CTTN: variants seen among roughly 807,000 people sequenced by gnomAD.
The protein encoded by CTTN is cortactin.
CTTN carries 28 observed loss-of-function variants against 84.0 expected under a neutral mutation model. The observed-to-expected ratio is 0.33, with a 90% CI of 0.25 to 0.46. CTTN has a LOEUF of 0.46. CTTN is among the 20% of genes least tolerant of loss of function. CTTN has a pLI of 1.00. For synonymous variants in CTTN, 301 were observed against 288.8 expected (o/e 1.04, Z -0.43); for missense variants, 641 against 723.8 (o/e 0.89, Z 1.31).
intron 1 of CTTN, among the ~76,000 whole-genome samples, 163 bp downstream of exon 1, chr11:70,398,777 G>T (rs1455364794): frequency 6.6e-6 from 1 of 151,812 alleles, no homozygotes; most frequent in Non-Finnish European, 1.5e-5. Context: ...AGGCTTTCCC[G>T]GCCTGGGGCG....
Position 70,434,708 on chromosome 11 carries a change from C to T in CTTN, c.1517-318C>T, listed in dbSNP as rs188300881. On this transcript the variant is annotated intron_variant, in intron 17 of 17. Transcript: ENST00000301843. ...CATCTCCCCACCCCCTCCACAGACA[C>T]GTCTGCCAGAGAGAGGGGAAGGGAG... Among the ~76,000 whole-genome samples the T allele has an allele frequency of 3.5e-3, 536 of 152,348 alleles. 8 individuals are homozygous for T. The highest frequency in any genetic ancestry group is 0.012 in the African/African-American group (514 of 41,574).
Position 70,436,556 on chromosome 11 carries a change from A to T in CTTN, c.*1394A>T. ...GATTTTTTTAAATTAAAGAATTCAG[A>T]ATAAACATTTTTTGATCCACTTGCG... On this transcript the variant is annotated 3_prime_UTR_variant, in exon 18 of 18. Transcript: ENST00000301843. 1.4e-6 allele frequency: 1 copy of T among 734,414 alleles called. No homozygotes were observed. Among genetic ancestry groups the T allele is most frequent in the Non-Finnish European group, 2.2e-6 (1 of 447,452 alleles). 45.5% of individuals were successfully genotyped at this position (734,414 alleles called of 1,614,324 possible). A position where few individuals can be genotyped will look rare whatever the true frequency, so the allele number is the denominator to read the frequency against.
rs78589080 is a variant in CTTN at position 70,402,371 on chromosome 11, C to T, written c.-97-2894C>T. Among the ~76,000 whole-genome samples, 18 of 152,224 alleles carry T rather than the reference C, an allele frequency of 1.2e-4. No homozygotes were observed. The East Asian group carries it at 2.5e-3, about 21-fold the overall frequency. ...AATACGCCTGTGTAGTGTGTACTCT[C>T]CACTGGTTTTTAGTATCTTCATGCA... On this transcript the variant is annotated intron_variant, in intron 1 of 17. Transcript: ENST00000301843.
chr11:70,413,904 C>T (rs1057480629), intron 5 of CTTN, among the ~76,000 whole-genome samples: 6 of 152,194 alleles, frequency 3.9e-5, no homozygotes, highest in East Asian at 1.9e-4. Flanking sequence ...TCCACACCAG[C>T]GGGTCTCACG....
chr11:70,422,470 G>A, intron 11 of CTTN: 7 of 1,276,214 alleles, frequency 5.5e-6, no homozygotes, highest in Non-Finnish European at 7.2e-6. Flanking sequence ...TCTTTGGCTG[G>A]TAGAATTTCC....
Position 70,435,149 on chromosome 11 carries a change from A to C in CTTN, c.1640A>C (p.Glu547Ala), listed in dbSNP as rs779040846. 6 of 1,603,920 alleles carry C rather than the reference A, an allele frequency of 3.7e-6. No homozygotes were observed. The highest frequency in any genetic ancestry group is 5.1e-6 in the Non-Finnish European group (6 of 1,175,418). Residue 547 changes from glutamate to alanine, a missense_variant, in exon 18 of 18, where the codon GAG becomes GCG. Around this residue, in one of 3 missense-constraint regions of CTTN, gnomAD observed 68 missense variants for 102.2 expected, o/e 0.67. Coordinates refer to ENST00000301843, the MANE Select transcript of CTTN (RefSeq NM_005231.4). ...GGGCTCTTCCCAGCCAACTATGTGG[A>C]GCTGCGGCAGTAGGGCCCCCAGCCC... ...RYGLFPANYVELRQ is the reference protein window; with the variant it reads ...RYGLFPANYVALRQ
In CTTN at chr11:70,422,982, A is replaced by T; in HGVS notation, c.944A>T (p.Asp315Val). The change falls in exon 12 of 18, where the codon GAT (aspartate) becomes GTT (valine). Residue 315 changes from aspartate to valine, a missense_variant. By Grantham distance (152) the Asp-to-Val change is radical. Coordinates refer to ENST00000301843, the MANE Select transcript of CTTN (RefSeq NM_005231.4). Reference protein sequence around the residue: ...GFGGKYGVQKDRMDKNASTFE... With the variant: ...GFGGKYGVQKVRMDKNASTFE... ...GGCGGGAAGTATGGGGTGCAGAAGG[A>T]TCGGATGGATAAGGTAAATATTCCA... 4 of 1,613,612 alleles carry T rather than the reference A, an allele frequency of 2.5e-6. No homozygotes were observed. Among genetic ancestry groups the T allele is most frequent in the Non-Finnish European group, 3.4e-6 (4 of 1,179,970 alleles).
intron 11 of CTTN, chr11:70,422,319 A>G (rs886816238): frequency 3.2e-5 from 12 of 374,458 alleles, no homozygotes; most frequent in African/African-American, 2.1e-4. Flanking sequence ...CGTTAGAAAC[A>G]CACAGCAGTG....
intron 5 of CTTN, among the ~76,000 whole-genome samples, chr11:70,410,999 T>G (rs2058090801): frequency 1.4e-5 from 2 of 147,852 alleles, no homozygotes; most frequent in African/African-American, 2.5e-5. Flanking sequence ...GGGGGAGGAG[T>G]GGGGTGAGGG....
intron 1 of CTTN, among the ~76,000 whole-genome samples, chr11:70,401,661 CA>C (rs1210073736): frequency 3.8e-4 from 52 of 137,336 alleles, no homozygotes; most frequent in Admixed American, 2.9e-4. Flanking sequence ...CAAAAAAAAA[CA>C]AAAAAAAAAA....
chr11:70,407,475 C>T, intron 3 of CTTN, 43 bp from the exon 4 acceptor site: 1 of 1,612,714 alleles, frequency 6.2e-7, no homozygotes, highest in Non-Finnish European at 8.5e-7. Flanking sequence ...TTGTCTGTGT[C>T]ACAATCCAGG....
Position 70,409,979 on chromosome 11 carries a change from C to T in CTTN, c.291+19C>T. The T allele has an allele frequency of 6.2e-7, 1 of 1,613,586 alleles. No homozygotes were observed. Reference sequence around the variant, plus strand: ...GGATAAGGTAAGTGGCCCGCGGCTGCCTATGCCAGGCTCCTGGTGTGCTTG... The same window carrying T: ...GGATAAGGTAAGTGGCCCGCGGCTGTCTATGCCAGGCTCCTGGTGTGCTTG... On this transcript the variant is annotated intron_variant, in intron 5 of 17. Coordinates refer to ENST00000301843, the MANE Select transcript of CTTN (RefSeq NM_005231.4).
chr11:70,404,819 A>G (rs1219303987), intron 1 of CTTN, among the ~76,000 whole-genome samples: 1 of 152,194 alleles, frequency 6.6e-6, no homozygotes, highest in Non-Finnish European at 1.5e-5. Flanking sequence ...CCTGACCAAC[A>G]TGGAGAAAAC....
Position 70,435,980 on chromosome 11 carries a change from T to TA in CTTN, c.*820dup. ...TGGCTTTTCACAAAGGCTGATGTCT[T>TA]AACTGTCACCCATATGGTCCCTGGG... On this transcript the variant is annotated 3_prime_UTR_variant, in exon 18 of 18. Coordinates refer to ENST00000301843, the MANE Select transcript of CTTN (RefSeq NM_005231.4). 1 of 1,430,828 alleles carries TA rather than the reference T, an allele frequency of 7.0e-7. No individual in the cohort carries two copies. The highest frequency in any genetic ancestry group is 1.5e-5 in the South Asian group (1 of 65,770). 88.6% of individuals were successfully genotyped at this position (1,430,828 alleles called of 1,614,324 possible). A position where few individuals can be genotyped will look rare whatever the true frequency, so the allele number is the denominator to read the frequency against.
chr11:70,422,169 A>G (rs141238587), intron 11 of CTTN: 12 of 330,226 alleles, frequency 3.6e-5, no homozygotes, highest in Middle Eastern at 2.2e-3. Flanking sequence ...ATGTACGTGA[A>G]GCCAGCTCTG....
intron 1 of CTTN, among the ~76,000 whole-genome samples, chr11:70,404,952 C>T (rs895325361): frequency 3.9e-5 from 6 of 152,140 alleles, no homozygotes; most frequent in Admixed American, 6.6e-5. Context: ...CGGTAAGCCG[C>T]GATTGTGCCA....
Position 70,416,877 on chromosome 11 carries a change from G to A in CTTN, c.458-136G>A, listed in dbSNP as rs2058168135. The A allele has an allele frequency of 1.6e-5, 11 of 690,802 alleles. No individual in the cohort carries two copies. In the Middle Eastern group the frequency reaches 7.7e-4, roughly 48 times the overall value. The allele number at this position is 690,802 out of a possible 1,614,324, so 42.8% of individuals were successfully genotyped here. On this transcript the variant is annotated intron_variant, in intron 7 of 17. Coordinates refer to ENST00000301843, the MANE Select transcript of CTTN (RefSeq NM_005231.4). ...CGTCACCTGTATGGAGCAGTGGGTG[G>A]CTTGTTGTACATTTTAAAATGTGCG...
chr11:70,433,763 G>A, intron 17 of CTTN, 45 bp downstream of exon 17: 1 of 1,240,272 alleles, frequency 8.1e-7, no homozygotes. Flanking sequence ...CCAGGCAGCT[G>A]CGCCTGCCTC....
chr11:70,419,693 G>A lies in CTTN; in HGVS notation c.569-53G>A, dbSNP rs2058205770. 6.9e-6 allele frequency: 10 copies of A among 1,452,746 alleles called. No individual in the cohort carries two copies. In the East Asian group the frequency reaches 2.3e-4, roughly 33 times the overall value. The allele number at this position is 1,452,746 out of a possible 1,614,324, so 90.0% of individuals were successfully genotyped here. Reference sequence around the variant, plus strand: ...TAATCAAAGGATAAAATACTTGCATGTTCACTGATTTCGTTGCTCCTTTTA... The same window carrying A: ...TAATCAAAGGATAAAATACTTGCATATTCACTGATTTCGTTGCTCCTTTTA... On this transcript the variant is annotated intron_variant, in intron 8 of 17. Coordinates refer to ENST00000301843, the MANE Select transcript of CTTN (RefSeq NM_005231.4).
Sources: allele counts gnomAD v4.1 joint callset (sites outside exome capture counted in the v4.1 genomes callset), GRCh38; gene constraint gnomAD v4.1.1; regional missense constraint gnomAD v4.1.1; transcripts MANE v1.5; gene names NCBI Gene and HGNC (gene_info 2026-07-23, HGNC 2026-07-21).